TRPS1: variants seen among roughly 807,000 people sequenced by gnomAD.
TRPS1 encodes zinc finger transcription factor Trps1.
TRPS1 carries 6 observed loss-of-function variants against 101.2 expected under a neutral mutation model. The ratio of observed to expected loss-of-function variants is 0.06; its 90% confidence interval spans 0.03 to 0.12. The LOEUF is 0.12. Among genes scored for constraint, TRPS1 ranks in the 10% least tolerant of loss-of-function variants. The pLI is 1.00. For missense variants in TRPS1, 1,363 were observed against 1,567.0 expected (o/e 0.87, Z 2.20); for synonymous variants, 578 against 589.8 (o/e 0.98, Z 0.29).
intron 5 of TRPS1, among the ~76,000 whole-genome samples, chr8:115,560,796 C>T (rs3779879): frequency 0.69 from 105,126 of 151,984 alleles, 37,781 homozygotes; most frequent in African/African-American, 0.89. Context: ...ACTCCTCTTT[C>T]GACTGCTGAA....
chr8:115,497,285 A>G (rs1292423264), intron 5 of TRPS1, among the ~76,000 whole-genome samples: 1 of 152,188 alleles, frequency 6.6e-6, no homozygotes, highest in Admixed American at 6.5e-5. Context: ...CGTGCAACCT[A>G]GATCCTTTTC....
chr8:115,441,866 T>TGAGAGAGAGAGA (rs56875076), intron 5 of TRPS1, among the ~76,000 whole-genome samples: 9 of 139,604 alleles, frequency 6.4e-5, no homozygotes, highest in African/African-American at 2.4e-4. Flanking sequence ...CAATTGAGAG[T>TGAGAGAGAGAGA]GAGAGAGAGA....
chr8:115,499,922 TC>T, intron 5 of TRPS1, among the ~76,000 whole-genome samples: 3 of 88,794 alleles, frequency 3.4e-5, no homozygotes, highest in Non-Finnish European at 7.1e-5. Context: ...TAAATTTCTT[TC>T]TTTCTTTCTT....
chr8:115,604,850 G>T lies in TRPS1; in HGVS notation c.1119C>A (p.Asn373Lys), dbSNP rs764845962. The change falls in exon 4 of 7, where the codon AAC becomes AAA. Residue 373 changes from asparagine to lysine, a missense_variant. Asn to Lys is a moderately conservative substitution (Grantham distance 94). Transcript: ENST00000395715. This position sits in a 1 kb window ranked among gnomAD's most constrained non-coding sequence, Gnocchi z 4.1. ...LEQHFLQTHP[N>K]KIKASLPSSE... ...AGGAGGGGAGAGAAGCTTTTATTTT[G>T]TTTGGGTGAGTCTGAAGAAAATGTT... 6.2e-7 allele frequency: 1 copy of T among 1,614,038 alleles called. No homozygotes were observed. Among genetic ancestry groups the T allele is most frequent in the Admixed American group, 1.7e-5 (1 of 59,982 alleles).
intron 5 of TRPS1, among the ~76,000 whole-genome samples, chr8:115,467,431 T>TAA (rs57169049): frequency 6.4e-5 from 9 of 139,906 alleles, no homozygotes; most frequent in East Asian, 2.0e-4. Context: ...GACCTTTTGT[T>TAA]AAAAAAAAAA....
chr8:115,556,466 A>C (rs1204128074), intron 5 of TRPS1, among the ~76,000 whole-genome samples: 1 of 152,090 alleles, frequency 6.6e-6, no homozygotes, highest in Non-Finnish European at 1.5e-5. Context: ...CAGGTCTTGA[A>C]AATCAACGTC....
chr8:115,457,386 C>T (rs1814056993), intron 5 of TRPS1, among the ~76,000 whole-genome samples: 1 of 152,036 alleles, frequency 6.6e-6, no homozygotes, highest in Admixed American at 6.6e-5. Context: ...TAGGATTCCA[C>T]TTATATGAGG....
chr8:115,643,796 A>C (rs1818955160), intron 1 of TRPS1, among the ~76,000 whole-genome samples: 1 of 152,224 alleles, frequency 6.6e-6, no homozygotes, highest in Non-Finnish European at 1.5e-5. Flanking sequence ...CACCAGAGGA[A>C]TCACTATGGC....
intron 5 of TRPS1, among the ~76,000 whole-genome samples, chr8:115,559,651 G>A (rs571321417): frequency 1.2e-4 from 19 of 152,094 alleles, no homozygotes; most frequent in African/African-American, 3.9e-4. Flanking sequence ...CATCACATTC[G>A]ATGCCATATG....
At chr8:115,553,964 A>C (rs1304337375) in intron 5 of TRPS1, among the ~76,000 whole-genome samples, 3 of 152,188 alleles carry the variant, frequency 2.0e-5, no homozygotes, top group Admixed American at 2.0e-4. Flanking sequence ...CTTGAATTCC[A>C]AATTTATAGT....
At chr8:115,524,148 C>T (rs897875784) in intron 5 of TRPS1, among the ~76,000 whole-genome samples, 1 of 151,722 alleles carries the variant, frequency 6.6e-6, no homozygotes, top group African/African-American at 2.4e-5. Context: ...GTTTTACTTC[C>T]CCATCTAGAT....
intron 5 of TRPS1, among the ~76,000 whole-genome samples, chr8:115,483,532 CA>C (rs67338348): frequency 0.79 from 86,512 of 110,138 alleles, 34,613 homozygotes; most frequent in East Asian, 0.92. Context: ...GACCTTGTCT[CA>C]AAAAAAAAAA....
chr8:115,503,431 C>T (rs1030543182), intron 5 of TRPS1, among the ~76,000 whole-genome samples: 4 of 151,992 alleles, frequency 2.6e-5, no homozygotes, highest in Non-Finnish European at 5.9e-5. Flanking sequence ...GTAAGGCTAT[C>T]TTGATTTGTT....
At chr8:115,510,576 A>G (rs1280119682) in intron 5 of TRPS1, among the ~76,000 whole-genome samples, 1 of 151,988 alleles carries the variant, frequency 6.6e-6, no homozygotes, top group Non-Finnish European at 1.5e-5. Context: ...CTCAATCGTC[A>G]ATTTCTTATT....
chr8:115,462,114 T>C (rs1483076491), intron 5 of TRPS1, among the ~76,000 whole-genome samples: 1 of 152,178 alleles, frequency 6.6e-6, no homozygotes, highest in Non-Finnish European at 1.5e-5. Context: ...AAATTCATAA[T>C]GAAGGTATTC....
chr8:115,587,678 A>C, intron 4 of TRPS1, 74 bp from the exon 5 acceptor site: 1 of 1,606,922 alleles, frequency 6.2e-7, no homozygotes, highest in Non-Finnish European at 8.5e-7. Flanking sequence ...GCCTTTAAGC[A>C]CCTGAATTTT....
intron 5 of TRPS1, among the ~76,000 whole-genome samples, chr8:115,437,648 C>T (rs1018499918): frequency 5.9e-5 from 9 of 152,092 alleles, no homozygotes; most frequent in African/African-American, 1.2e-4. Flanking sequence ...AATGTCTACA[C>T]GAACAAGAAG....
intron 5 of TRPS1, among the ~76,000 whole-genome samples, chr8:115,500,970 T>G (rs1418643272): frequency 1.3e-5 from 2 of 149,964 alleles, no homozygotes; most frequent in African/African-American, 2.5e-5. Flanking sequence ...CAGACATTCT[T>G]CCCATGTGTA....
At chr8:115,647,176 A>G (rs1413957232) in intron 1 of TRPS1, among the ~76,000 whole-genome samples, 1 of 152,174 alleles carries the variant, frequency 6.6e-6, no homozygotes, top group African/African-American at 2.4e-5. Flanking sequence ...AATTATATGA[A>G]TCAATATAGC....
Sources: gnomAD v4.1 joint callset for allele counts (sites outside exome capture counted in the v4.1 genomes callset) on GRCh38, gnomAD v4.1.1 for gene constraint, Gnocchi (gnomAD v3.1) non-coding constraint, MANE v1.5 for transcripts, NCBI Gene and HGNC (gene_info 2026-07-23, HGNC 2026-07-21) for gene names.